The following WDR35 variants were observed in gnomAD, a reference collection of about 807,000 sequenced individuals.
WDR35 encodes WD repeat-containing protein 35.
WDR35 carries 118 observed loss-of-function variants against 158.3 expected under a neutral mutation model. The ratio of observed to expected loss-of-function variants is 0.75; its 90% CI spans 0.64 to 0.87. The LOEUF is 0.87. Among genes scored for constraint, WDR35 ranks in the 40% least tolerant of loss-of-function variants. The pLI, the probability that WDR35 is intolerant of heterozygous loss-of-function variation, is 0.00. For missense variants in WDR35, 1,263 were observed against 1,405.8 expected, an observed-to-expected ratio of 0.90 and a Z score of 1.62; for synonymous variants, 448 against 476.1, an observed-to-expected ratio of 0.94 and a Z score of 0.77.
intron 19 of WDR35, 59 bp downstream of exon 19, chr2:19,937,684 A>G (rs1308706137): frequency 3.1e-5 from 50 of 1,607,044 alleles, no homozygotes; most frequent in Non-Finnish European, 3.9e-5. Context: ...TTCCATTTGT[A>G]AAAAATACAA....
intron 8 of WDR35, among the ~76,000 whole-genome samples, chr2:19,970,745 T>C (rs1012149695): frequency 6.6e-6 from 1 of 152,168 alleles, no homozygotes; most frequent in South Asian, 2.1e-4. Flanking sequence ...GCCTATACAA[T>C]ATCCCTTCTG....
In WDR35 at chr2:19,910,771, C is replaced by T. The variant is rs959429640; in HGVS notation, c.*2787G>A. 1.5e-4 allele frequency: 23 copies of T among 152,070 alleles called. No homozygotes were observed. The highest frequency in any genetic ancestry group is 4.8e-4 in the African/African-American group (20 of 41,478). 9.4% of individuals were successfully genotyped at this position (152,070 alleles called of 1,614,324 possible). A position where few individuals can be genotyped will look rare whatever the true frequency, so the allele number is the denominator to read the frequency against. Reference sequence around the variant, plus strand: ...AAATTTCCTTCATGTCGAATAAAACCAACTAGATTGACTCATAATATAGGT... The same window carrying T: ...AAATTTCCTTCATGTCGAATAAAACTAACTAGATTGACTCATAATATAGGT... On this transcript the variant is annotated 3_prime_UTR_variant, in exon 27 of 27. Coordinates refer to ENST00000281405, the MANE Select transcript of WDR35 (RefSeq NM_020779.4).
intron 15 of WDR35, 21 bp downstream of exon 15, chr2:19,946,440 G>T: frequency 6.3e-7 from 1 of 1,581,722 alleles, no homozygotes; most frequent in Non-Finnish European, 8.7e-7. Context: ...ACATCTACAT[G>T]AGCAGAGTTT....
At chr2:19,942,121 T>G (rs560704329) in intron 16 of WDR35, among the ~76,000 whole-genome samples, 25 of 152,316 alleles carry the variant, frequency 1.6e-4, no homozygotes, top group African/African-American at 6.0e-4. Flanking sequence ...AATTTTCTCT[T>G]ACATGGCCAC....
chr2:19,972,264 C>T (rs1244756900), intron 8 of WDR35, among the ~76,000 whole-genome samples: 1 of 152,178 alleles, frequency 6.6e-6, no homozygotes, highest in East Asian at 1.9e-4. Flanking sequence ...CTACTATGAC[C>T]TGAGGAACTA....
chr2:19,927,755 C>T (rs911004624), intron 25 of WDR35, among the ~76,000 whole-genome samples: 1 of 152,170 alleles, frequency 6.6e-6, no homozygotes, highest in Non-Finnish European at 1.5e-5. Context: ...CCCAGGGACA[C>T]CTGACCTTAA....
At chr2:19,938,072 T>C (rs1386121127) in intron 18 of WDR35, 126 bp from the exon 19 acceptor site, 6 of 1,370,714 alleles carry the variant, frequency 4.4e-6, no homozygotes, top group Admixed American at 2.1e-5. Context: ...AAGTAACATA[T>C]GCAAACATTT....
chr2:19,929,779 C>T (rs564475683), intron 25 of WDR35, among the ~76,000 whole-genome samples: 20 of 152,058 alleles, frequency 1.3e-4, no homozygotes, highest in Non-Finnish European at 2.4e-4. Context: ...TTTACCCAAA[C>T]CTTAGCAATG....
At chr2:19,935,812 A>G (rs1670675147) in intron 20 of WDR35, among the ~76,000 whole-genome samples, 1 of 152,202 alleles carries the variant, frequency 6.6e-6, no homozygotes, top group South Asian at 2.1e-4. Context: ...ATTCTTAAGA[A>G]ATACCACCGC....
At chr2:19,986,583 T>C (rs1041652186) in intron 2 of WDR35, among the ~76,000 whole-genome samples, 1 of 152,164 alleles carries the variant, frequency 6.6e-6, no homozygotes, top group South Asian at 2.1e-4. Context: ...ATAAAAGCTG[T>C]CCATTAGATT....
Position 19,912,869 on chromosome 2 carries a change from TTTAAG to T in WDR35, c.*684_*688del, listed in dbSNP as rs1669877294. Reference sequence around the variant, plus strand: ...TATAACTACAAAATGGATATTTCTGTTTAAGTTATCTTCATTATAAATAGAGGCAA... The same window carrying T: ...TATAACTACAAAATGGATATTTCTGTTTATCTTCATTATAAATAGAGGCAA... On this transcript the variant is annotated 3_prime_UTR_variant, in exon 27 of 27. Coordinates refer to ENST00000281405, the MANE Select transcript of WDR35 (RefSeq NM_020779.4). 6.6e-6 allele frequency: 1 copy of T among 152,228 alleles called. No homozygotes were observed. Among genetic ancestry groups the T allele is most frequent in the South Asian group, 2.1e-4 (1 of 4,832 alleles). 9.4% of individuals were successfully genotyped at this position (152,228 alleles called of 1,614,324 possible). A position where few individuals can be genotyped will look rare whatever the true frequency, so the allele number is the denominator to read the frequency against.
rs751682420 is a variant in WDR35, at chr2:19,953,848, T to G, written c.1386A>C (p.Lys462Asn). The G allele has an allele frequency of 3.1e-6, 5 of 1,614,020 alleles. No homozygotes were observed. In the Admixed American group the frequency reaches 8.3e-5, roughly 27 times the overall value. ...AAAAGATATACCTTTCTCTCCCTTCTTTTCGAGACCGTGTGATCTGATTAA... is the reference window on the plus strand; with the variant it reads ...AAAAGATATACCTTTCTCTCCCTTCGTTTCGAGACCGTGTGATCTGATTAA... ...LEINQITRSR[K>N]EGRERIYHVD... The change falls in exon 12 of 27, where the codon AAA (lysine) becomes AAC (asparagine). Residue 462 changes from lysine to asparagine, a missense_variant. Lys to Asn is a moderately conservative substitution (Grantham distance 94, BLOSUM62 0). Transcript: ENST00000281405.
At chr2:19,953,788 A>G (rs375996357) in intron 12 of WDR35, 46 bp downstream of exon 12, 18 of 1,612,518 alleles carry the variant, frequency 1.1e-5, no homozygotes, top group Non-Finnish European at 1.4e-5. Context: ...TCTGACTTCA[A>G]TGTGATATGG....
rs1669895934 is a variant in WDR35 at position 19,913,458 on chromosome 2, T to G, written c.*100A>C. ...CAACTATAAATAATGAGGCTGATTT[T>G]CATACAAAACTCACAGAAATAAACC... On this transcript the variant is annotated 3_prime_UTR_variant, in exon 27 of 27. Coordinates refer to ENST00000281405, the MANE Select transcript of WDR35 (RefSeq NM_020779.4). 4.1e-6 allele frequency: 6 copies of G among 1,477,282 alleles called. No individual in the cohort carries two copies. The highest frequency in any genetic ancestry group is 5.6e-6 in the Non-Finnish European group (6 of 1,077,612). 91.5% of individuals were successfully genotyped at this position (1,477,282 alleles called of 1,614,324 possible).
At chr2:19,927,592 C>T (rs971236256) in intron 25 of WDR35, among the ~76,000 whole-genome samples, 4 of 152,180 alleles carry the variant, frequency 2.6e-5, no homozygotes, top group East Asian at 1.9e-4. Flanking sequence ...TGATATGGCC[C>T]GCTCTAGGAG....
rs376641555 is a variant in WDR35 at position 19,937,988 on chromosome 2, A to C, written c.2064-42T>G. 185 of 1,603,330 alleles carry C rather than the reference A, an allele frequency of 1.2e-4. No homozygotes were observed. In the African/African-American group the frequency reaches 2.2e-3, roughly 19 times the overall value. Reference sequence around the variant, plus strand: ...ACAAAAACATAAGTGCATATTGCAAATTACTGACAAACTAGTCTTGAATCA... The same window carrying C: ...ACAAAAACATAAGTGCATATTGCAACTTACTGACAAACTAGTCTTGAATCA... On this transcript the variant is annotated intron_variant, in intron 18 of 26. Coordinates refer to ENST00000281405, the MANE Select transcript of WDR35 (RefSeq NM_020779.4).
chr2:19,989,448 G>A (rs890864386), intron 1 of WDR35, among the ~76,000 whole-genome samples, 166 bp from the exon 2 acceptor site: 2 of 152,166 alleles, frequency 1.3e-5, no homozygotes, highest in Admixed American at 1.3e-4. Context: ...GAACTGACCC[G>A]GGCTCTAGCA....
In WDR35 at chr2:19,931,332, T is replaced by C. The variant is rs1385564615; in HGVS notation, c.2901A>G (p.Ile967Met). The C allele has an allele frequency of 1.2e-6, 2 of 1,613,446 alleles. No individual in the cohort carries two copies. The highest frequency in any genetic ancestry group is 2.7e-5 in the African/African-American group (2 of 74,906). The change falls in exon 24 of 27, where the codon ATA (isoleucine) becomes ATG (methionine). Residue 967 changes from isoleucine to methionine, a missense_variant. By Grantham distance (10) the Ile-to-Met change is conservative (BLOSUM62 1). Coordinates refer to ENST00000281405, the MANE Select transcript of WDR35 (RefSeq NM_020779.4). ...TCTTCATCTGTTCATGGTATTGCTCTATAAGTAAGGCTGACAGTACATAGA... is the reference window on the plus strand; with the variant it reads ...TCTTCATCTGTTCATGGTATTGCTCCATAAGTAAGGCTGACAGTACATAGA... Reference protein sequence around the residue: ...KKLYVLSALLIEQYHEQMKNA... With the variant: ...KKLYVLSALLMEQYHEQMKNA...
chr2:19,968,346 G>A (rs1251706530), intron 9 of WDR35, among the ~76,000 whole-genome samples: 1 of 152,080 alleles, frequency 6.6e-6, no homozygotes, highest in Admixed American at 6.5e-5. Flanking sequence ...TCAAGCCAGG[G>A]GAACAGGGGC....
Sources: allele counts gnomAD v4.1 joint callset (sites outside exome capture counted in the v4.1 genomes callset), GRCh38; gene constraint gnomAD v4.1.1; transcripts MANE v1.5; gene names NCBI Gene and HGNC (gene_info 2026-07-23, HGNC 2026-07-21).